The following PRKCH variants were observed in gnomAD, a reference collection of about 807,000 sequenced individuals.
PRKCH encodes protein kinase C eta.
In PRKCH, 28 loss-of-function variants were observed where a neutral mutation model predicts 82.5. That is an observed-to-expected ratio of 0.34 (90% CI 0.25 to 0.47). PRKCH has a LOEUF of 0.47. Ranked by LOEUF, PRKCH falls within the 20% of genes least tolerant of loss-of-function variation. The pLI is 1.00. For missense variants in PRKCH, 705 were observed against 881.8 expected (o/e 0.80, Z 2.54); for synonymous variants, 322 against 327.4 (o/e 0.98, Z 0.18).
chr14:61,541,085 G>A (rs1285543909), intron 12 of PRKCH, among the ~76,000 whole-genome samples: 1 of 152,242 alleles, frequency 6.6e-6, no homozygotes, highest in Non-Finnish European at 1.5e-5. Context: ...CAAGCCTGGT[G>A]TCTCTCCCAT....
At chr14:61,544,968 G>A (rs943462699) in intron 12 of PRKCH, 12 of 152,168 alleles carry the variant, frequency 7.9e-5, no homozygotes, top group African/African-American at 2.9e-4. Context: ...AACTTGTCAT[G>A]TGTTCTCAGC....
chr14:61,509,201 C>T (rs1029863511), intron 10 of PRKCH, among the ~76,000 whole-genome samples: 14 of 152,106 alleles, frequency 9.2e-5, no homozygotes, highest in Admixed American at 2.0e-4. Context: ...TTGTAAATTA[C>T]GCGTAAATAT....
At chr14:61,402,969 T>C (rs1296326355) in intron 2 of PRKCH, among the ~76,000 whole-genome samples, 3 of 152,100 alleles carry the variant, frequency 2.0e-5, no homozygotes, top group African/African-American at 7.2e-5. Context: ...GCTGGTGCGC[T>C]GCACCCACTA....
chr14:61,532,431 G>A (rs2043053201), intron 12 of PRKCH, among the ~76,000 whole-genome samples: 1 of 152,114 alleles, frequency 6.6e-6, no homozygotes, highest in Admixed American at 6.5e-5. Context: ...TTGAATCTAG[G>A]TCTAGTAGAA....
At position 61,528,844 on chromosome 14, in the gene PRKCH, T is replaced by C. The variant is rs948601137; in HGVS notation, c.1434-231T>C. ...TTTCCTGTGGTCAGCCCATTCTTAATGGGCGCATCATCTTGGAGCCATGAG... is the reference window on the plus strand; with the variant it reads ...TTTCCTGTGGTCAGCCCATTCTTAACGGGCGCATCATCTTGGAGCCATGAG... On this transcript the variant is annotated intron_variant, in intron 10 of 13. Transcript: ENST00000332981. 9 of 350,910 alleles carry C rather than the reference T, an allele frequency of 2.6e-5. No individual in the cohort carries two copies. In the South Asian group the frequency reaches 4.2e-4, roughly 16 times the overall value. The allele number at this position is 350,910 out of a possible 1,614,324, so 21.7% of individuals were successfully genotyped here.
At chr14:61,329,461 C>T (rs7142475) in intron 1 of PRKCH, among the ~76,000 whole-genome samples, 18,187 of 152,020 alleles carry the variant, frequency 0.12, 1,196 homozygotes, top group Admixed American at 0.17. Context: ...GTCTCAAACT[C>T]CTGACTTCAG....
chr14:61,359,182 A>G (rs1207266988), intron 1 of PRKCH, among the ~76,000 whole-genome samples: 1 of 152,220 alleles, frequency 6.6e-6, no homozygotes, highest in Non-Finnish European at 1.5e-5. Context: ...AAGAACCAGT[A>G]GACCTCTGGA....
At chr14:61,419,010 G>T (rs1338261425) in intron 2 of PRKCH, among the ~76,000 whole-genome samples, 1 of 152,174 alleles carries the variant, frequency 6.6e-6, no homozygotes, top group African/African-American at 2.4e-5. Context: ...AAGTTATTTA[G>T]ATCCTACACT....
intron 1 of PRKCH, among the ~76,000 whole-genome samples, chr14:61,263,609 A>G (rs1035020176): frequency 4.6e-5 from 7 of 152,206 alleles, no homozygotes; most frequent in African/African-American, 1.7e-4. Flanking sequence ...CTATAGCCAT[A>G]TCTCTATCTA....
At chr14:61,428,327 T>C (rs11158345) in intron 2 of PRKCH, among the ~76,000 whole-genome samples, 32,203 of 151,888 alleles carry the variant, frequency 0.21, 3,777 homozygotes, top group Admixed American at 0.36. Context: ...CTGTCGGTTT[T>C]AGGTCTCTAT....
chr14:61,435,402 A>G (rs188253295), intron 2 of PRKCH, among the ~76,000 whole-genome samples: 3 of 152,372 alleles, frequency 2.0e-5, no homozygotes, highest in East Asian at 3.9e-4. Flanking sequence ...AGTGACTCCA[A>G]GGATAGTGGT....
chr14:61,393,616 G>C (rs1247319217), intron 2 of PRKCH, among the ~76,000 whole-genome samples: 5 of 152,214 alleles, frequency 3.3e-5, no homozygotes, highest in South Asian at 2.1e-4. Flanking sequence ...ACCTCTTAGA[G>C]TTTCCCTTGC....
chr14:61,512,987 TA>T (rs1200993429), intron 10 of PRKCH, among the ~76,000 whole-genome samples: 2 of 152,208 alleles, frequency 1.3e-5, no homozygotes, highest in South Asian at 2.1e-4. Flanking sequence ...CAGCTAGTTT[TA>T]AAAAAAATTT....
chr14:61,515,231 A>G (rs2042805756), intron 10 of PRKCH, among the ~76,000 whole-genome samples: 1 of 152,224 alleles, frequency 6.6e-6, no homozygotes, highest in Admixed American at 6.5e-5. Flanking sequence ...GTTGTGAAGT[A>G]CAGATACTGT....
chr14:61,371,287 C>T (rs1345796202), intron 1 of PRKCH, among the ~76,000 whole-genome samples: 1 of 152,040 alleles, frequency 6.6e-6, no homozygotes, highest in Non-Finnish European at 1.5e-5. Context: ...TACATTGTCA[C>T]AGCTAATGAA....
intron 2 of PRKCH, among the ~76,000 whole-genome samples, chr14:61,426,861 G>T (rs973637828): frequency 2.0e-5 from 3 of 152,168 alleles, no homozygotes; most frequent in African/African-American, 7.2e-5. Context: ...ACTGCTTCAG[G>T]AATGCAATTT....
At chr14:61,285,372 G>A (rs1424714676) in intron 1 of PRKCH, among the ~76,000 whole-genome samples, 2 of 152,138 alleles carry the variant, frequency 1.3e-5, no homozygotes, top group East Asian at 1.9e-4. Flanking sequence ...AATGCTGGCC[G>A]GACCTTAAGG....
At chr14:61,542,539 CATT>C (rs1430446443) in intron 12 of PRKCH, among the ~76,000 whole-genome samples, 2 of 152,052 alleles carry the variant, frequency 1.3e-5, no homozygotes, top group Admixed American at 6.5e-5. Context: ...GAAAAAGGAA[CATT>C]ATTTTCCAAA....
intron 12 of PRKCH, among the ~76,000 whole-genome samples, chr14:61,533,187 G>A (rs1206118844): frequency 1.3e-5 from 2 of 152,112 alleles, no homozygotes; most frequent in East Asian, 3.9e-4. Flanking sequence ...AATAATATAG[G>A]TAAACTTCCC....
Sources: allele counts gnomAD v4.1 joint callset (sites outside exome capture counted in the v4.1 genomes callset), GRCh38; gene constraint gnomAD v4.1.1; transcripts MANE v1.5; gene names NCBI Gene and HGNC (gene_info 2026-07-23, HGNC 2026-07-21).